MAP2: variants seen among roughly 807,000 people sequenced by gnomAD.
MAP2 encodes microtubule-associated protein 2.
A neutral mutation model predicts 137.6 loss-of-function variants in MAP2; 14 were observed. The ratio of observed to expected loss-of-function variants is 0.10; its 90% CI spans 0.07 to 0.16. The LOEUF (loss-of-function observed/expected upper bound fraction) is 0.16, where lower values mean the gene tolerates loss of function less well. MAP2 is among the 10% of genes least tolerant of loss of function. The pLI, the probability that MAP2 is intolerant of heterozygous loss-of-function variation, is 1.00. For missense variants in MAP2, 2,088 were observed against 2,191.5 expected, an observed-to-expected ratio of 0.95 and a Z score of 0.94; for synonymous variants, 786 against 782.3, an observed-to-expected ratio of 1.00 and a Z score of -0.08.
rs780533061 is a variant in MAP2, at chr2:209,696,250, A to G, written c.4080A>G (p.Ala1360=). The G allele has an allele frequency of 6.2e-7, 1 of 1,613,190 alleles. No individual in the cohort carries two copies. Among genetic ancestry groups the G allele is most frequent in the Non-Finnish European group, 8.5e-7 (1 of 1,179,720 alleles). The change falls in exon 8 of 16, where the codon GCA becomes GCG. Residue 1360 remains alanine, a synonymous_variant. Coordinates refer to ENST00000682079, the MANE Select transcript of MAP2 (RefSeq NM_001375505.1). Reference sequence around the variant, plus strand: ...CTTCCCCTGAGAGAGAAGAGGTTGCACTTTCTGAATATAAGACAGAAACCT... The same window carrying G: ...CTTCCCCTGAGAGAGAAGAGGTTGCGCTTTCTGAATATAAGACAGAAACCT... The part of the protein sequence containing the change: ...APASPEREEV[A]LSEYKTETYD...
At chr2:209,702,343 C>A (rs2061997922) in intron 11 of MAP2, among the ~76,000 whole-genome samples, 1 of 151,794 alleles carries the variant, frequency 6.6e-6, no homozygotes, top group African/African-American at 2.4e-5. Context: ...ATTTATTAGT[C>A]TTTTTTTCTT....
At chr2:209,449,740 A>C (rs1299287349) in intron 1 of MAP2, among the ~76,000 whole-genome samples, 1 of 152,142 alleles carries the variant, frequency 6.6e-6, no homozygotes, top group East Asian at 1.9e-4. Context: ...GATGATTTCC[A>C]GTTTCTTTGT....
chr2:209,698,313 TTTAA>T (rs1447300165), intron 10 of MAP2, among the ~76,000 whole-genome samples: 2 of 152,214 alleles, frequency 1.3e-5, no homozygotes, highest in Admixed American at 6.5e-5. Context: ...ATTTTATATG[TTTAA>T]TTATACTAGG....
At chr2:209,676,468 C>G (rs1310828902) in intron 5 of MAP2, among the ~76,000 whole-genome samples, 1 of 151,480 alleles carries the variant, frequency 6.6e-6, no homozygotes, top group African/African-American at 2.4e-5. Flanking sequence ...ATAAAATAAT[C>G]TGTACAACAA....
intron 1 of MAP2, among the ~76,000 whole-genome samples, chr2:209,441,392 T>C (rs1697735073): frequency 6.6e-6 from 1 of 151,650 alleles, no homozygotes; most frequent in African/African-American, 2.4e-5. Flanking sequence ...TTTTTTGTTA[T>C]ATACAGATGA....
intron 1 of MAP2, among the ~76,000 whole-genome samples, chr2:209,447,837 A>G (rs1040634364): frequency 1.3e-5 from 2 of 152,078 alleles, no homozygotes; most frequent in Non-Finnish European, 2.9e-5. Context: ...AAAGAGACAC[A>G]ACAAGGACTG....
intron 2 of MAP2, among the ~76,000 whole-genome samples, chr2:209,560,511 A>G (rs911154160): frequency 6.9e-6 from 1 of 145,382 alleles, no homozygotes; most frequent in African/African-American, 2.6e-5. Flanking sequence ...ATAGGGTGTC[A>G]TTCTGTTGCC....
At chr2:209,587,888 G>A (rs1403289118) in intron 3 of MAP2, among the ~76,000 whole-genome samples, 3 of 152,134 alleles carry the variant, frequency 2.0e-5, no homozygotes, top group Non-Finnish European at 4.4e-5. Context: ...CATGAGCAAT[G>A]TCCTTAGAAA....
At chr2:209,556,448 G>A (rs75378862) in intron 2 of MAP2, among the ~76,000 whole-genome samples, 2,996 of 152,216 alleles carry the variant, frequency 0.02, 94 homozygotes, top group African/African-American at 0.068. Context: ...TATCTCTGAA[G>A]TGGAGACAAT....
Position 209,545,659 on chromosome 2 carries a change from C to A in MAP2, c.-171-34377C>A, listed in dbSNP as rs548827312. ...CCTACCTTATTGTTTGTTTTTAGCACAAAATTGCTGCAGTATTTTTTTGTT... is the reference window on the plus strand; with the variant it reads ...CCTACCTTATTGTTTGTTTTTAGCAAAAAATTGCTGCAGTATTTTTTTGTT... On this transcript the variant is annotated intron_variant, in intron 2 of 15. Transcript: ENST00000682079. Among the ~76,000 whole-genome samples, 9 of 152,162 alleles carry A rather than the reference C, an allele frequency of 5.9e-5. No individual in the cohort carries two copies. In the East Asian group the frequency reaches 1.7e-3, roughly 29 times the overall value.
chr2:209,518,523 G>A (rs954770162), intron 2 of MAP2, among the ~76,000 whole-genome samples: 1 of 152,110 alleles, frequency 6.6e-6, no homozygotes, highest in African/African-American at 2.4e-5. Flanking sequence ...AACCTGAACA[G>A]AGGGTGCGGG....
intron 1 of MAP2, among the ~76,000 whole-genome samples, chr2:209,449,336 C>T (rs536002568): frequency 1.4e-4 from 21 of 152,254 alleles, no homozygotes; most frequent in South Asian, 4.1e-4. Context: ...CAAACTGTCA[C>T]GCTCCTTATT....
At chr2:209,453,224 A>G (rs1212896856) in intron 1 of MAP2, among the ~76,000 whole-genome samples, 2 of 152,110 alleles carry the variant, frequency 1.3e-5, no homozygotes, top group Non-Finnish European at 2.9e-5. Context: ...TCGATGAGCT[A>G]TCTGAACCCC....
At chr2:209,652,012 G>T (rs896820135) in intron 4 of MAP2, among the ~76,000 whole-genome samples, 3 of 152,132 alleles carry the variant, frequency 2.0e-5, no homozygotes, top group Non-Finnish European at 2.9e-5. Flanking sequence ...GAAAAAGGAA[G>T]ATGTTCTTAG....
intron 11 of MAP2, among the ~76,000 whole-genome samples, chr2:209,704,997 C>G (rs1325543022): frequency 6.6e-6 from 1 of 151,310 alleles, no homozygotes; most frequent in Non-Finnish European, 1.5e-5. Flanking sequence ...ATAATTTAAA[C>G]TAAACGTCAT....
chr2:209,458,415 A>G (rs1046239808), intron 1 of MAP2, among the ~76,000 whole-genome samples: 3 of 152,214 alleles, frequency 2.0e-5, no homozygotes, highest in Non-Finnish European at 4.4e-5. Context: ...GGTTAGGGAC[A>G]TGGAGGTAGA....
chr2:209,719,268 G>A (rs1324091439), intron 13 of MAP2, among the ~76,000 whole-genome samples: 2 of 152,168 alleles, frequency 1.3e-5, no homozygotes, highest in Admixed American at 1.3e-4. Flanking sequence ...ATGGATGCCT[G>A]AGGGGGTCTA....
intron 7 of MAP2, among the ~76,000 whole-genome samples, chr2:209,691,729 A>G (rs2058969382): frequency 6.6e-6 from 1 of 152,218 alleles, no homozygotes; most frequent in African/African-American, 2.4e-5. Context: ...ATACTGGCCA[A>G]TGCTTCACCA....
chr2:209,685,519 T>G (rs1450821797), intron 7 of MAP2, among the ~76,000 whole-genome samples: 1 of 152,090 alleles, frequency 6.6e-6, no homozygotes, highest in African/African-American at 2.4e-5. Context: ...GTAGATGGAC[T>G]TTAGGCTGAT....
Sources: gnomAD v4.1 joint callset for allele counts (sites outside exome capture counted in the v4.1 genomes callset) on GRCh38, gnomAD v4.1.1 for gene constraint, MANE v1.5 for transcripts, NCBI Gene and HGNC (gene_info 2026-07-23, HGNC 2026-07-21) for gene names.